Variants in ADAMTS6 observed in about 807,000 individuals in gnomAD.
ADAMTS6 encodes the protein ADAM metallopeptidase with thrombospondin type 1 motif 6.
ADAMTS6 carries 23 observed loss-of-function variants against 144.3 expected under a neutral mutation model. The observed-to-expected ratio is 0.16, with a 90% CI of 0.11 to 0.23. The LOEUF (loss-of-function observed/expected upper bound fraction) is 0.23. ADAMTS6 is among the 10% of genes least tolerant of loss of function. The pLI, the probability that ADAMTS6 is intolerant of heterozygous loss-of-function variation, is 1.00. For synonymous variants in ADAMTS6, 444 were observed against 457.5 expected (o/e 0.97, Z 0.38); for missense variants, 999 against 1,379.6 (o/e 0.72, Z 4.37).
intron 18 of ADAMTS6, among the ~76,000 whole-genome samples, 197 bp from the exon 19 acceptor site, chr5:65,215,684 T>C (rs535968504): frequency 2.6e-5 from 4 of 152,344 alleles, no homozygotes; most frequent in Admixed American, 2.0e-4. Context: ...GTATTTATAA[T>C]GTCACTAATA....
chr5:65,440,699 C>T (rs1469119375), intron 7 of ADAMTS6, among the ~76,000 whole-genome samples: 1 of 152,104 alleles, frequency 6.6e-6, no homozygotes, highest in East Asian at 1.9e-4. Flanking sequence ...ATGCCTAGCA[C>T]TTACACAACA....
chr5:65,316,961 C>T (rs184009397), intron 9 of ADAMTS6, among the ~76,000 whole-genome samples: 11 of 152,060 alleles, frequency 7.2e-5, no homozygotes, highest in East Asian at 5.8e-4. Context: ...GCCATCAAGC[C>T]GGCTAATTTT....
intron 7 of ADAMTS6, among the ~76,000 whole-genome samples, chr5:65,434,358 G>A (rs895332054): frequency 2.0e-5 from 3 of 152,082 alleles, no homozygotes; most frequent in Non-Finnish European, 4.4e-5. Context: ...CTAAAAAACC[G>A]TTGGATTATA....
Position 65,223,215 on chromosome 5 carries a change from CAAAT to C in ADAMTS6, c.2272+1101_2272+1104del, listed in dbSNP as rs571628892. Among the ~76,000 whole-genome samples the C allele has an allele frequency of 1.7e-3, 259 of 152,066 alleles. 2 individuals carry two copies. Among genetic ancestry groups the C allele is most frequent in the African/African-American group, 5.8e-3 (242 of 41,500 alleles). On this transcript the variant is annotated intron_variant, in intron 18 of 24. Transcript: ENST00000381055. ...TCCAGCTTTGTTGAGGTATAACTCA[CAAAT>C]AAAATATTAAGTTTAAGGTGTACAA...
intron 18 of ADAMTS6, among the ~76,000 whole-genome samples, chr5:65,215,917 G>C (rs1756882846): frequency 6.6e-6 from 1 of 152,102 alleles, no homozygotes; most frequent in South Asian, 2.1e-4. Flanking sequence ...TTAAGAAATA[G>C]ACCCAAGTTC....
intron 14 of ADAMTS6, among the ~76,000 whole-genome samples, chr5:65,242,783 T>C (rs777679256): frequency 2.0e-4 from 30 of 152,154 alleles, no homozygotes; most frequent in Non-Finnish European, 3.2e-4. Flanking sequence ...TTTGGACTTA[T>C]TATGATTTAC....
intron 11 of ADAMTS6, among the ~76,000 whole-genome samples, chr5:65,279,473 T>A (rs1354230886): frequency 6.6e-6 from 1 of 152,004 alleles, no homozygotes; most frequent in African/African-American, 2.4e-5. Flanking sequence ...CCTGCCACCA[T>A]GCCTGGCTAA....
At chr5:65,181,142 T>C (rs900461238) in intron 22 of ADAMTS6, among the ~76,000 whole-genome samples, 1 of 152,262 alleles carries the variant, frequency 6.6e-6, no homozygotes, top group African/African-American at 2.4e-5. Context: ...GTTTTCTGGA[T>C]GTCAGGCACT....
intron 7 of ADAMTS6, among the ~76,000 whole-genome samples, chr5:65,376,321 C>G (rs902746733): frequency 6.6e-6 from 1 of 151,932 alleles, no homozygotes; most frequent in Non-Finnish European, 1.5e-5. Context: ...CATGGTGGCA[C>G]GCGCCTGTAG....
At chr5:65,217,456 G>A (rs1757013599) in intron 18 of ADAMTS6, among the ~76,000 whole-genome samples, 1 of 151,378 alleles carries the variant, frequency 6.6e-6, no homozygotes, top group African/African-American at 2.4e-5. Flanking sequence ...GTGCCATAAT[G>A]TAGCTCAGAA....
At chr5:65,394,365 C>CT (rs1295825590) in intron 7 of ADAMTS6, among the ~76,000 whole-genome samples, 2 of 152,214 alleles carry the variant, frequency 1.3e-5, no homozygotes, top group East Asian at 1.9e-4. Context: ...CAGTAACAGT[C>CT]TAACTACAAC....
At chr5:65,166,082 C>T (rs1464006799) in intron 24 of ADAMTS6, among the ~76,000 whole-genome samples, 1 of 143,862 alleles carries the variant, frequency 7.0e-6, no homozygotes, top group African/African-American at 2.6e-5. Context: ...AAGACACAGA[C>T]TGGCAAGTTG....
intron 7 of ADAMTS6, among the ~76,000 whole-genome samples, chr5:65,375,118 A>G (rs1161585917): frequency 3.3e-5 from 5 of 152,266 alleles, no homozygotes; most frequent in Admixed American, 1.3e-4. Context: ...TTCAAGATGG[A>G]TTAAAGATTT....
At chr5:65,467,020 G>A (rs1299900159) in intron 3 of ADAMTS6, among the ~76,000 whole-genome samples, 6 of 147,338 alleles carry the variant, frequency 4.1e-5, no homozygotes, top group East Asian at 2.0e-4. Flanking sequence ...CAGCCTGGGC[G>A]ACAGAGCAGA....
chr5:65,231,805 T>A (rs1278484142), intron 15 of ADAMTS6, among the ~76,000 whole-genome samples: 1 of 152,006 alleles, frequency 6.6e-6, no homozygotes, highest in East Asian at 1.9e-4. Flanking sequence ...AAAAATTAAA[T>A]CTAAAAGTAT....
At chr5:65,405,959 G>A (rs1754431785) in intron 7 of ADAMTS6, among the ~76,000 whole-genome samples, 1 of 152,176 alleles carries the variant, frequency 6.6e-6, no homozygotes, top group Non-Finnish European at 1.5e-5. Flanking sequence ...TCTGTTATTG[G>A]TGTATAAGAA....
intron 7 of ADAMTS6, among the ~76,000 whole-genome samples, chr5:65,338,392 A>G (rs1223985463): frequency 6.6e-6 from 1 of 152,264 alleles, no homozygotes; most frequent in Non-Finnish European, 1.5e-5. Context: ...AATTTGGTTG[A>G]GACTGTAACG....
intron 11 of ADAMTS6, among the ~76,000 whole-genome samples, chr5:65,278,237 T>C (rs1762719051): frequency 1.3e-5 from 2 of 152,198 alleles, no homozygotes; most frequent in African/African-American, 4.8e-5. Context: ...GATGGGCACT[T>C]AGATTGGTTC....
intron 21 of ADAMTS6, among the ~76,000 whole-genome samples, chr5:65,193,216 T>C (rs1755122565): frequency 2.0e-5 from 3 of 151,972 alleles, no homozygotes; most frequent in Non-Finnish European, 4.4e-5. Context: ...CTTTCTTAAA[T>C]AAGATTTTCT....
Sources: gnomAD v4.1 joint callset for allele counts (sites outside exome capture counted in the v4.1 genomes callset) on GRCh38, gnomAD v4.1.1 for gene constraint, MANE v1.5 for transcripts, NCBI Gene and HGNC (gene_info 2026-07-23, HGNC 2026-07-21) for gene names.